The following SDK1 variants were observed in gnomAD, a reference collection of about 807,000 sequenced individuals.
SDK1 encodes the protein sidekick cell adhesion molecule 1.
A neutral mutation model predicts 245.5 loss-of-function variants in SDK1; 157 were observed. The observed-to-expected ratio is 0.64, with a 90% CI of 0.56 to 0.73. The LOEUF (loss-of-function observed/expected upper bound fraction) is 0.73. Among genes scored for constraint, SDK1 ranks in the 30% least tolerant of loss-of-function variants. The pLI is 0.00. For missense variants in SDK1, 3,583 were observed against 3,002.3 expected (o/e 1.19, Z -4.52); for synonymous variants, 1,647 against 1,278.5 (o/e 1.29, Z -6.15).
intron 22 of SDK1, among the ~76,000 whole-genome samples, chr7:4,109,596 C>T (rs571964512): frequency 4.6e-5 from 7 of 152,236 alleles, no homozygotes; most frequent in Non-Finnish European, 8.8e-5. Context: ...CAGAGCCACA[C>T]GGCCACACGA....
chr7:3,389,338 G>T (rs1443009881), intron 1 of SDK1, among the ~76,000 whole-genome samples: 1 of 152,146 alleles, frequency 6.6e-6, no homozygotes, highest in Non-Finnish European at 1.5e-5. Flanking sequence ...GACCTTATAA[G>T]AGAGAGGAAA....
At chr7:3,656,988 C>T (rs1037677443) in intron 4 of SDK1, among the ~76,000 whole-genome samples, 4 of 151,796 alleles carry the variant, frequency 2.6e-5, no homozygotes, top group Admixed American at 6.6e-5. Flanking sequence ...ACCTCATGAT[C>T]CACCCGCCTC....
intron 13 of SDK1, among the ~76,000 whole-genome samples, chr7:3,984,340 C>T (rs1297357910): frequency 6.6e-6 from 1 of 152,164 alleles, no homozygotes; most frequent in African/African-American, 2.4e-5. Context: ...AGTCCACCCA[C>T]CTGGCAGATG....
intron 5 of SDK1, among the ~76,000 whole-genome samples, chr7:3,821,802 A>G (rs1779653584): frequency 6.6e-6 from 1 of 152,128 alleles, no homozygotes; most frequent in South Asian, 2.1e-4. Context: ...GTACTTCTGA[A>G]TGCCAGATCT....
intron 1 of SDK1, among the ~76,000 whole-genome samples, chr7:3,528,917 T>TA (rs968067433): frequency 2.2e-4 from 33 of 152,268 alleles, no homozygotes; most frequent in African/African-American, 7.9e-4. Context: ...TTTGAGGTAT[T>TA]ACCAGCTACA....
At chr7:3,369,833 T>C (rs1014842085) in intron 1 of SDK1, among the ~76,000 whole-genome samples, 5 of 152,196 alleles carry the variant, frequency 3.3e-5, no homozygotes, top group African/African-American at 9.7e-5. Flanking sequence ...AGAGTAAATA[T>C]GCGCATTTAT....
chr7:3,376,632 G>A (rs777891659), intron 1 of SDK1, among the ~76,000 whole-genome samples: 30 of 152,314 alleles, frequency 2.0e-4, no homozygotes, highest in Non-Finnish European at 3.2e-4. Flanking sequence ...TGATTGGCAG[G>A]AAGATTATAC....
intron 44 of SDK1, among the ~76,000 whole-genome samples, chr7:4,249,569 A>T (rs546414779): frequency 6.6e-6 from 1 of 152,298 alleles, no homozygotes; most frequent in South Asian, 2.1e-4. Flanking sequence ...GGCACCCCGG[A>T]AGTCTCTTAC....
Position 3,324,502 on chromosome 7 carries a change from GA to G in SDK1, c.298+22619del, listed in dbSNP as rs1250806460. 7.9e-5 allele frequency among the ~76,000 whole-genome samples: 12 copies of G among 152,108 alleles called. 1 individual carries two copies. The highest frequency in any genetic ancestry group is 7.9e-4 in the Admixed American group (12 of 15,266). ...TGTTTGGAGGATAGGATAAGAATAG[GA>G]GGTGGCTCTTGGAAGTTTGTTTGCT... On this transcript the variant is annotated intron_variant, in intron 1 of 44. Transcript: ENST00000404826.
chr7:3,364,232 ACT>A (rs1206766464), intron 1 of SDK1, among the ~76,000 whole-genome samples: 1 of 151,998 alleles, frequency 6.6e-6, no homozygotes, highest in Non-Finnish European at 1.5e-5. Flanking sequence ...CACTCTGTAG[ACT>A]CTATTTCCAT....
intron 13 of SDK1, among the ~76,000 whole-genome samples, chr7:3,978,899 C>T (rs775024027): frequency 7.2e-5 from 11 of 152,190 alleles, no homozygotes; most frequent in Non-Finnish European, 1.0e-4. Context: ...ATAGAAATTA[C>T]GAGCATCTGA....
At chr7:3,470,117 G>A (rs1781133787) in intron 1 of SDK1, among the ~76,000 whole-genome samples, 1 of 152,044 alleles carries the variant, frequency 6.6e-6, no homozygotes. Context: ...GCCTTTTTGG[G>A]GCTTAGCATC....
chr7:3,869,804 T>G (rs1414231687), intron 5 of SDK1, among the ~76,000 whole-genome samples: 1 of 152,222 alleles, frequency 6.6e-6, no homozygotes, highest in Non-Finnish European at 1.5e-5. Flanking sequence ...GGGGCTACAG[T>G]GTACACTTAA....
intron 1 of SDK1, among the ~76,000 whole-genome samples, chr7:3,606,651 C>G (rs941218802): frequency 2.0e-5 from 3 of 152,174 alleles, no homozygotes; most frequent in Non-Finnish European, 2.9e-5. Flanking sequence ...GCATGACTCT[C>G]TTCATCAGCT....
At chr7:4,184,179 T>C (rs1782750764) in intron 35 of SDK1, among the ~76,000 whole-genome samples, 1 of 152,202 alleles carries the variant, frequency 6.6e-6, no homozygotes, top group East Asian at 1.9e-4. Context: ...TTGGGCCAGC[T>C]TCCGTCCCCT....
In SDK1 at chr7:3,601,026, T is replaced by C. The variant is rs558404193; in HGVS notation, c.299-18054T>C. On this transcript the variant is annotated intron_variant, in intron 1 of 44. Transcript: ENST00000404826. ...CCATTGATGTGGTAGATTCTTTCTTTTTTTGTTTTTTGAATGTTGAACCAG... is the reference window on the plus strand; with the variant it reads ...CCATTGATGTGGTAGATTCTTTCTTCTTTTGTTTTTTGAATGTTGAACCAG... Among the ~76,000 whole-genome samples the C allele has an allele frequency of 5.9e-5, 9 of 152,306 alleles. No homozygotes were observed. The East Asian group carries it at 1.7e-3, about 29-fold the overall frequency.
chr7:3,576,014 A>T (rs1371204646), intron 1 of SDK1, among the ~76,000 whole-genome samples: 2 of 152,038 alleles, frequency 1.3e-5, no homozygotes, highest in Admixed American at 1.3e-4. Context: ...GTTTACCTGG[A>T]CTATGTTCAA....
At chr7:3,946,970 A>G (rs1403855775) in intron 5 of SDK1, among the ~76,000 whole-genome samples, 1 of 152,222 alleles carries the variant, frequency 6.6e-6, no homozygotes, top group Non-Finnish European at 1.5e-5. Flanking sequence ...CCGTGTCTTA[A>G]CAATATGTGT....
chr7:4,184,642 G>A (rs1485258415), intron 35 of SDK1, among the ~76,000 whole-genome samples: 1 of 152,244 alleles, frequency 6.6e-6, no homozygotes, highest in Non-Finnish European at 1.5e-5. Context: ...TTTAAACTCA[G>A]AGAGGAAGGA....
Sources: allele counts gnomAD v4.1 joint callset (sites outside exome capture counted in the v4.1 genomes callset), GRCh38; gene constraint gnomAD v4.1.1; transcripts MANE v1.5; gene names NCBI Gene and HGNC (gene_info 2026-07-23, HGNC 2026-07-21).